CRTC3: variants seen among roughly 807,000 people sequenced by gnomAD.
CRTC3 encodes the protein CREB regulated transcription coactivator 3, also known as CREB-regulated transcription coactivator 3.
A neutral mutation model predicts 74.5 loss-of-function variants in CRTC3; 26 were observed. That is an observed-to-expected ratio of 0.35 (90% CI 0.26 to 0.48). The LOEUF (loss-of-function observed/expected upper bound fraction) is 0.48. Ranked by LOEUF, CRTC3 falls within the 20% of genes least tolerant of loss-of-function variation. CRTC3 has a pLI of 0.99. For synonymous variants in CRTC3, 377 were observed against 325.8 expected, an observed-to-expected ratio of 1.16 and a Z score of -1.69; for missense variants, 760 against 787.3, an observed-to-expected ratio of 0.97 and a Z score of 0.41.
chr15:90,619,605 G>C, intron 8 of CRTC3, 136 bp from the exon 9 acceptor site: 1 of 709,538 alleles, frequency 1.4e-6, no homozygotes. Context: ...CTAAAAGGCT[G>C]CTGTGTGAGG....
chr15:90,618,948 C>T (rs1968565630), intron 8 of CRTC3, among the ~76,000 whole-genome samples: 8 of 152,174 alleles, frequency 5.3e-5, no homozygotes, highest in Admixed American at 5.2e-4. Flanking sequence ...GTGGTGTGCC[C>T]TCCTCCCTGA....
At chr15:90,595,039 C>G (rs1050202657) in intron 3 of CRTC3, 1 of 152,182 alleles carries the variant, frequency 6.6e-6, no homozygotes, top group African/African-American at 2.4e-5. Context: ...GAAGGACTGA[C>G]TTCTGATTTT....
intron 1 of CRTC3, 24 bp from the exon 2 acceptor site, chr15:90,540,015 G>T: frequency 6.6e-7 from 1 of 1,515,940 alleles, no homozygotes; most frequent in Non-Finnish European, 9.2e-7. Context: ...ACCTCTCAGC[G>T]TTCTTAAATC....
chr15:90,597,590 C>T (rs1967959720), intron 3 of CRTC3, among the ~76,000 whole-genome samples: 1 of 152,228 alleles, frequency 6.6e-6, no homozygotes, highest in Non-Finnish European at 1.5e-5. Flanking sequence ...ACACCATACT[C>T]TGTATCACCT....
intron 4 of CRTC3, 39 bp from the exon 5 acceptor site, chr15:90,604,346 T>C (rs747979279): frequency 1.3e-6 from 2 of 1,553,516 alleles, no homozygotes; most frequent in Non-Finnish European, 1.8e-6. Context: ...TGTCTGTGGA[T>C]TGACTTCTTT....
intron 11 of CRTC3, chr15:90,635,088 C>G (rs560529590): frequency 4.0e-6 from 3 of 740,860 alleles, no homozygotes; most frequent in Admixed American, 3.8e-5. Flanking sequence ...CACTGAAGTT[C>G]TGAAATCTTT....
intron 3 of CRTC3, among the ~76,000 whole-genome samples, chr15:90,601,442 G>A (rs956275430): frequency 6.6e-6 from 1 of 152,120 alleles, no homozygotes; most frequent in Non-Finnish European, 1.5e-5. Flanking sequence ...CTGAGGTCAG[G>A]AGTTCAAGAC....
At chr15:90,629,703 A>G (rs1968969823) in intron 11 of CRTC3, among the ~76,000 whole-genome samples, 171 bp downstream of exon 11, 1 of 152,224 alleles carries the variant, frequency 6.6e-6, no homozygotes, top group Non-Finnish European at 1.5e-5. Context: ...AGAAGTGTCA[A>G]TAATGCAGAA....
rs187305781 is a variant in CRTC3, at chr15:90,531,641, G to C, written c.132+1438G>C. 3.4e-4 allele frequency among the ~76,000 whole-genome samples: 52 copies of C among 152,260 alleles called. No homozygotes were observed. The East Asian group carries it at 8.5e-3, about 25-fold the overall frequency. On this transcript the variant is annotated intron_variant, in intron 1 of 14. Transcript: ENST00000268184. ...TTTTTTACCTGCCTGGCATCCACTG[G>C]CATTTACATCTGTGACCTTGGTTAG...
At chr15:90,636,077 G>C (rs569137238) in intron 11 of CRTC3, among the ~76,000 whole-genome samples, 29 of 110,746 alleles carry the variant, frequency 2.6e-4, no homozygotes, top group East Asian at 2.9e-4. Flanking sequence ...ATATGGAACC[G>C]AAAAAGAGCC....
At chr15:90,592,325 C>T (rs532158568) in intron 2 of CRTC3, among the ~76,000 whole-genome samples, 4 of 152,256 alleles carry the variant, frequency 2.6e-5, no homozygotes, top group South Asian at 4.1e-4. Flanking sequence ...TATATCAAAA[C>T]ATCATGTTGT....
intron 5 of CRTC3, chr15:90,606,823 C>T (rs1445470129): frequency 6.6e-6 from 1 of 152,278 alleles, no homozygotes; most frequent in Admixed American, 6.5e-5. Flanking sequence ...TGCCTGCGCT[C>T]AGCGGTGGGG....
At chr15:90,569,738 G>C (rs1223435996) in intron 2 of CRTC3, among the ~76,000 whole-genome samples, 1 of 151,626 alleles carries the variant, frequency 6.6e-6, no homozygotes, top group African/African-American at 2.4e-5. Flanking sequence ...ACCCCGCCAT[G>C]CCTGGCTAAT....
At chr15:90,545,400 A>T (rs1281582092) in intron 2 of CRTC3, among the ~76,000 whole-genome samples, 2 of 137,996 alleles carry the variant, frequency 1.4e-5, no homozygotes, top group African/African-American at 2.7e-5. Flanking sequence ...TGTGGTTTTA[A>T]TTTTTTTTTT....
chr15:90,598,879 G>C (rs1379776168), intron 3 of CRTC3: 8 of 215,678 alleles, frequency 3.7e-5, no homozygotes. Context: ...GACGGGCACT[G>C]GCCCTGAGGC....
chr15:90,612,992 AGGTTAAGACCAGCCT>A (rs755376445), intron 6 of CRTC3, among the ~76,000 whole-genome samples: 4 of 152,110 alleles, frequency 2.6e-5, no homozygotes, highest in Non-Finnish European at 5.9e-5. Context: ...TGAGGTCAGG[AGGTTAAGACCAGCCT>A]GGCCATCATG....
rs776745542 is a variant in CRTC3, at chr15:90,641,205, C to T, written c.1651+6C>T. 8.2e-6 allele frequency: 13 copies of T among 1,577,256 alleles called. No homozygotes were observed. The highest frequency in any genetic ancestry group is 1.7e-4 in the Middle Eastern group (1 of 5,986). ...CCCGAACACCATCCTGCCAGGTGAGCGAGCTATCCCTCAGCTTCTTTACTG... is the reference window on the plus strand; with the variant it reads ...CCCGAACACCATCCTGCCAGGTGAGTGAGCTATCCCTCAGCTTCTTTACTG... On this transcript the variant is annotated splice_donor_region_variant and intron_variant, in intron 14 of 14. Coordinates refer to ENST00000268184, the MANE Select transcript of CRTC3 (RefSeq NM_022769.5).
chr15:90,604,344 G>A (rs1222948451), intron 4 of CRTC3, 41 bp from the exon 5 acceptor site: 1 of 1,541,060 alleles, frequency 6.5e-7, no homozygotes, highest in South Asian at 1.1e-5. Flanking sequence ...GCTGTCTGTG[G>A]ATTGACTTCT....
chr15:90,593,519 G>A (rs1967847182), intron 2 of CRTC3, 117 bp from the exon 3 acceptor site: 24 of 1,178,662 alleles, frequency 2.0e-5, no homozygotes, highest in Non-Finnish European at 2.8e-5. Context: ...GCCCACTAAT[G>A]TATAATAAGT....
Sources: allele counts gnomAD v4.1 joint callset (sites outside exome capture counted in the v4.1 genomes callset), GRCh38; gene constraint gnomAD v4.1.1; transcripts MANE v1.5; gene names NCBI Gene and HGNC (gene_info 2026-07-23, HGNC 2026-07-21).